CSMD1: variants seen among roughly 807,000 people sequenced by gnomAD.
The protein encoded by CSMD1 is CUB and Sushi multiple domains 1.
A neutral mutation model predicts 417.5 loss-of-function variants in CSMD1; 213 were observed. The ratio of observed to expected loss-of-function variants is 0.51; its 90% CI spans 0.46 to 0.57. CSMD1 has a LOEUF of 0.57. Among genes scored for constraint, CSMD1 ranks in the 20% least tolerant of loss-of-function variants. The pLI is 0.00. For synonymous variants in CSMD1, 2,862 were observed against 1,736.8 expected (o/e 1.65, Z -16.11); for missense variants, 6,923 against 4,529.7 (o/e 1.53, Z -15.17).
At chr8:3,108,954 G>A (rs1816328052) in intron 43 of CSMD1, among the ~76,000 whole-genome samples, 2 of 152,156 alleles carry the variant, frequency 1.3e-5, no homozygotes, top group Non-Finnish European at 2.9e-5. Context: ...TGTTCCACAG[G>A]CACTCGGCAC....
At chr8:3,000,886 A>G (rs535283635) in intron 52 of CSMD1, among the ~76,000 whole-genome samples, 2 of 152,326 alleles carry the variant, frequency 1.3e-5, no homozygotes, top group South Asian at 4.1e-4. Flanking sequence ...TGTAGATAGT[A>G]AAACAATTGA....
chr8:3,018,715 A>C, intron 51 of CSMD1, 65 bp from the exon 52 acceptor site: 1 of 1,387,694 alleles, frequency 7.2e-7, no homozygotes, highest in Non-Finnish European at 9.9e-7. Flanking sequence ...TGCTCCAAAC[A>C]AACAAACAAA....
rs533276100 is a variant in CSMD1 at position 4,371,910 on chromosome 8, T to C, written c.415+48043A>G. On this transcript the variant is annotated intron_variant, in intron 3 of 69. Coordinates refer to ENST00000635120, the MANE Select transcript of CSMD1 (RefSeq NM_033225.6). ...GCCATGCAAGTTAAGAAGGGAAGTG[T>C]GGATTTCACAAGAGTAATGATGACG... 7.2e-5 allele frequency among the ~76,000 whole-genome samples: 11 copies of C among 152,302 alleles called. No homozygotes were observed. In the South Asian group the frequency reaches 2.3e-3, roughly 32 times the overall value.
At chr8:4,736,500 G>A (rs778587740) in intron 1 of CSMD1, among the ~76,000 whole-genome samples, 2 of 152,102 alleles carry the variant, frequency 1.3e-5, no homozygotes, top group Non-Finnish European at 2.9e-5. Context: ...TCAGAACTCA[G>A]ATACTCAAGC....
intron 1 of CSMD1, among the ~76,000 whole-genome samples, chr8:4,830,646 A>G (rs187421110): frequency 2.0e-5 from 3 of 152,340 alleles, no homozygotes; most frequent in South Asian, 2.1e-4. Flanking sequence ...TTTTATTGCT[A>G]AGAGGTCACA....
chr8:3,509,351 C>G (rs1405805646), intron 10 of CSMD1, among the ~76,000 whole-genome samples: 1 of 152,134 alleles, frequency 6.6e-6, no homozygotes, highest in African/African-American at 2.4e-5. Flanking sequence ...GTTTCTTTAG[C>G]CAAGTCAACT....
In CSMD1 at chr8:2,951,141, C is replaced by G; in HGVS notation, c.10174G>C (p.Ala3392Pro). The change falls in exon 66 of 70, where the codon GCC becomes CCC. Residue 3392 changes from alanine to proline, a missense_variant. Ala to Pro is a conservative substitution (Grantham distance 27). Transcript: ENST00000635120. ...GTCAACTTCAGCTCCACTGGCGAGG[C>G]TTCGCTGAAGGTGGCATTCACCTTA... is the stretch of plus-strand genomic sequence containing the variant. ...SSKVNATFSE[A>P]SPVELKLTGI... 6.2e-7 allele frequency: 1 copy of G among 1,613,458 alleles called. No homozygotes were observed. The highest frequency in any genetic ancestry group is 8.5e-7 in the Non-Finnish European group (1 of 1,179,578).
At chr8:4,502,631 C>A (rs890515324) in intron 2 of CSMD1, among the ~76,000 whole-genome samples, 1 of 152,128 alleles carries the variant, frequency 6.6e-6, no homozygotes, top group Non-Finnish European at 1.5e-5. Context: ...CCTGAAATCT[C>A]GCATTTACTT....
chr8:3,784,104 G>C (rs1047403909), intron 5 of CSMD1, among the ~76,000 whole-genome samples: 2 of 151,908 alleles, frequency 1.3e-5, no homozygotes, highest in South Asian at 2.1e-4. Flanking sequence ...TAGTGTGTTT[G>C]GACAATAATA....
intron 5 of CSMD1, among the ~76,000 whole-genome samples, chr8:3,900,479 C>G (rs1249843408): frequency 6.6e-6 from 1 of 151,226 alleles, no homozygotes; most frequent in African/African-American, 2.4e-5. Context: ...GACACTGTAC[C>G]TGGTTGACAG....
chr8:3,043,499 T>C (rs1344140754), intron 50 of CSMD1, among the ~76,000 whole-genome samples: 1 of 152,122 alleles, frequency 6.6e-6, no homozygotes, highest in Admixed American at 6.6e-5. Flanking sequence ...TTTCCCTTTT[T>C]TATGATGTAT....
chr8:4,816,185 G>C (rs1319171690), intron 1 of CSMD1, among the ~76,000 whole-genome samples: 1 of 144,498 alleles, frequency 6.9e-6, no homozygotes, highest in African/African-American at 2.5e-5. Context: ...AATCACACTT[G>C]TTATTTGCTT....
chr8:3,432,631 T>C (rs1007442161), intron 12 of CSMD1, among the ~76,000 whole-genome samples: 1 of 148,956 alleles, frequency 6.7e-6, no homozygotes, highest in Admixed American at 6.8e-5. Context: ...TTCTCCTGCC[T>C]CAGCTTCCTG....
At chr8:4,042,340 G>C (rs1797933573) in intron 3 of CSMD1, among the ~76,000 whole-genome samples, 1 of 152,112 alleles carries the variant, frequency 6.6e-6, no homozygotes, top group African/African-American at 2.4e-5. Flanking sequence ...AAGGGGCCAG[G>C]TGATGCCTCT....
intron 6 of CSMD1, among the ~76,000 whole-genome samples, chr8:3,742,092 C>A (rs1181808538): frequency 6.6e-6 from 1 of 151,898 alleles, no homozygotes; most frequent in East Asian, 1.9e-4. Context: ...GTGCACCTGG[C>A]TCTGCTGATG....
At chr8:4,038,318 C>G (rs979045260) in intron 3 of CSMD1, among the ~76,000 whole-genome samples, 6 of 151,916 alleles carry the variant, frequency 3.9e-5, no homozygotes, top group African/African-American at 9.7e-5. Flanking sequence ...GCAAAACAGA[C>G]ATAGTATTAT....
intron 3 of CSMD1, among the ~76,000 whole-genome samples, chr8:4,309,776 G>T (rs1033272668): frequency 6.6e-6 from 1 of 152,058 alleles, no homozygotes; most frequent in Non-Finnish European, 1.5e-5. Flanking sequence ...CTAGATCAAT[G>T]AAGCATAGAA....
intron 2 of CSMD1, among the ~76,000 whole-genome samples, chr8:4,467,743 G>C (rs574172211): frequency 1.3e-5 from 2 of 152,090 alleles, no homozygotes; most frequent in Admixed American, 6.6e-5. Context: ...TAAAGCTAAA[G>C]CTAACAAAAT....
chr8:4,327,375 TG>T lies in CSMD1; in HGVS notation c.415+92577del, dbSNP rs2128888457. On this transcript the variant is annotated intron_variant, in intron 3 of 69. Transcript: ENST00000635120. ...GAGTTAAAAGAAAGGTTAATGAAAA[TG>T]GGGAGACTCTGCTAATGTATTTCCT... Among the ~76,000 whole-genome samples, 3 of 152,160 alleles carry T rather than the reference TG, an allele frequency of 2.0e-5. 1 individual carries two copies. The highest frequency in any genetic ancestry group is 7.2e-5 in the African/African-American group (3 of 41,530).
Sources: allele counts gnomAD v4.1 joint callset (sites outside exome capture counted in the v4.1 genomes callset), GRCh38; gene constraint gnomAD v4.1.1; transcripts MANE v1.5; gene names NCBI Gene and HGNC (gene_info 2026-07-23, HGNC 2026-07-21).